ARHGAP32: variants seen among roughly 807,000 people sequenced by gnomAD.
The protein encoded by ARHGAP32 is Rho GTPase activating protein 32, also known as rho GTPase-activating protein 32.
Under a neutral mutation model 186.5 loss-of-function variants are expected in ARHGAP32, and 51 were observed. That is an observed-to-expected ratio of 0.27 (90% CI 0.22 to 0.35). The LOEUF is 0.35. Among genes scored for constraint, ARHGAP32 ranks in the 10% least tolerant of loss-of-function variants. ARHGAP32 has a pLI of 1.00. For missense variants in ARHGAP32, 2,186 were observed against 2,623.5 expected (o/e 0.83, Z 3.64); for synonymous variants, 950 against 964.3 (o/e 0.99, Z 0.27).
At chr11:129,096,305 C>A (rs60149048) in intron 5 of ARHGAP32, among the ~76,000 whole-genome samples, 10,679 of 152,112 alleles carry the variant, frequency 0.07, 434 homozygotes, top group Middle Eastern at 0.082. Context: ...CAAAAGCACA[C>A]GAGAAAGAGA....
intron 19 of ARHGAP32, among the ~76,000 whole-genome samples, chr11:128,978,337 A>G (rs1321229316): frequency 5.3e-5 from 8 of 152,208 alleles, no homozygotes; most frequent in African/African-American, 1.9e-4. Context: ...TTGATCTAAT[A>G]AGATACTCTA....
At chr11:129,244,048 C>A (rs1212843850) in intron 1 of ARHGAP32, among the ~76,000 whole-genome samples, 1 of 152,160 alleles carries the variant, frequency 6.6e-6, no homozygotes, top group East Asian at 1.9e-4. Context: ...AAATAAGAGA[C>A]CTGTGCATCA....
intron 1 of ARHGAP32, among the ~76,000 whole-genome samples, chr11:129,211,043 C>T (rs930706332): frequency 1.3e-5 from 2 of 152,100 alleles, no homozygotes; most frequent in Non-Finnish European, 2.9e-5. Flanking sequence ...TTTTTGTGTA[C>T]TTTGTCCTAA....
At position 129,123,186 on chromosome 11, in the gene ARHGAP32, T is replaced by C. The variant is rs1334523714; in HGVS notation, c.444+260A>G. Among the ~76,000 whole-genome samples, 2 of 152,088 alleles carry C rather than the reference T, an allele frequency of 1.3e-5. No individual in the cohort carries two copies. The highest frequency in any genetic ancestry group is 1.5e-5 in the Non-Finnish European group (1 of 67,980). On this transcript the variant is annotated intron_variant, in intron 5 of 22. Coordinates refer to ENST00000682385, the MANE Select transcript of ARHGAP32 (RefSeq NM_001378024.1). The surrounding 1 kb of genome is among the most constrained non-coding windows in gnomAD (Gnocchi z 4.6). ...CAAAGCCATGGACATATGGACATGA[T>C]ACAGGAAAACGGAGGGGGACAGGAC...
intron 11 of ARHGAP32, among the ~76,000 whole-genome samples, chr11:129,031,255 C>G (rs537187564): frequency 6.6e-6 from 1 of 152,172 alleles, no homozygotes; most frequent in South Asian, 2.1e-4. Flanking sequence ...AGTAAATAAA[C>G]ACAAATCAAT....
chr11:129,211,972 T>C (rs1406035226), intron 1 of ARHGAP32, among the ~76,000 whole-genome samples: 1 of 151,850 alleles, frequency 6.6e-6, no homozygotes, highest in African/African-American at 2.4e-5. Flanking sequence ...CTAGGCAACA[T>C]AGTGAGACTT....
At chr11:129,003,597 T>G (rs1029450989) in intron 11 of ARHGAP32, among the ~76,000 whole-genome samples, 6 of 152,204 alleles carry the variant, frequency 3.9e-5, no homozygotes, top group South Asian at 2.1e-4. Flanking sequence ...GATTTCTTCA[T>G]GGTTTGATCT....
At chr11:129,146,472 C>A (rs1210932243) in intron 2 of ARHGAP32, among the ~76,000 whole-genome samples, 3 of 152,082 alleles carry the variant, frequency 2.0e-5, no homozygotes, top group Non-Finnish European at 4.4e-5. Flanking sequence ...TCAGTACTCT[C>A]CGTGGTTTCT....
At chr11:129,125,889 C>G (rs868459654) in intron 2 of ARHGAP32, 6 of 445,038 alleles carry the variant, frequency 1.3e-5, no homozygotes, top group Middle Eastern at 6.6e-4. Flanking sequence ...TCTTAGAGGT[C>G]TCCCAAAGAA....
chr11:129,095,989 G>A (rs1329436107), intron 5 of ARHGAP32, among the ~76,000 whole-genome samples: 2 of 152,168 alleles, frequency 1.3e-5, no homozygotes, highest in Non-Finnish European at 2.9e-5. Context: ...TGTCATAAAA[G>A]ACCAGATCTT....
At chr11:129,255,971 T>C (rs1794243117) in intron 1 of ARHGAP32, among the ~76,000 whole-genome samples, 1 of 152,102 alleles carries the variant, frequency 6.6e-6, no homozygotes, top group South Asian at 2.1e-4. Flanking sequence ...GTAGATAAGT[T>C]GAGATGCAGT....
At chr11:129,050,836 C>G (rs2135078148) in intron 10 of ARHGAP32, among the ~76,000 whole-genome samples, 1 of 152,234 alleles carries the variant, frequency 6.6e-6, no homozygotes, top group Non-Finnish European at 1.5e-5. Flanking sequence ...GCTCCCATCC[C>G]TGTGTCCATG....
chr11:129,126,780 A>G (rs749956104), intron 2 of ARHGAP32, among the ~76,000 whole-genome samples: 4 of 152,206 alleles, frequency 2.6e-5, no homozygotes, highest in Non-Finnish European at 5.9e-5. Context: ...CCAGTTGGTC[A>G]TTCAACTGAA....
chr11:129,220,198 G>A (rs2135608689), intron 1 of ARHGAP32, among the ~76,000 whole-genome samples: 1 of 152,272 alleles, frequency 6.6e-6, no homozygotes, highest in South Asian at 2.1e-4. Flanking sequence ...CTGAGATAAT[G>A]TAGCTTAAAT....
intron 1 of ARHGAP32, among the ~76,000 whole-genome samples, chr11:129,223,683 T>TA: frequency 6.6e-6 from 1 of 152,154 alleles, no homozygotes; most frequent in Non-Finnish European, 1.5e-5. Flanking sequence ...TATTCATTTT[T>TA]AAAAAACAGC....
At chr11:128,989,515 T>TACACACACAC (rs1555065707) in intron 12 of ARHGAP32, among the ~76,000 whole-genome samples, 22 of 87,236 alleles carry the variant, frequency 2.5e-4, no homozygotes, top group East Asian at 1.3e-3. Flanking sequence ...TGTTTTTTAT[T>TACACACACAC]TCACACACAC....
At chr11:129,125,599 T>C (rs1173426304) in intron 2 of ARHGAP32, among the ~76,000 whole-genome samples, 1 of 152,096 alleles carries the variant, frequency 6.6e-6, no homozygotes, top group Non-Finnish European at 1.5e-5. Context: ...GATAAGCAGT[T>C]AAAGTAAGTT....
upstream of ARHGAP32, among the ~76,000 whole-genome samples, chr11:129,193,726 A>ATATATTATATAATATATATTATATAT: frequency 1.2e-5 from 1 of 85,708 alleles, no homozygotes; most frequent in Non-Finnish European, 2.3e-5. Flanking sequence ...ATTATATATT[A>ATATATTATATAATATATATTATATAT]TATATAATAT....
At chr11:129,179,551 C>A (rs1201316855) in intron 1 of ARHGAP32, among the ~76,000 whole-genome samples, 1 of 151,346 alleles carries the variant, frequency 6.6e-6, no homozygotes, top group Non-Finnish European at 1.5e-5. Flanking sequence ...ACCCAAATGT[C>A]CAACAATGAT....
Sources: gnomAD v4.1 joint callset for allele counts (sites outside exome capture counted in the v4.1 genomes callset) on GRCh38, gnomAD v4.1.1 for gene constraint, Gnocchi (gnomAD v3.1) non-coding constraint, MANE v1.5 for transcripts, NCBI Gene and HGNC (gene_info 2026-07-23, HGNC 2026-07-21) for gene names.